PRKAA1: variants seen among roughly 807,000 people sequenced by gnomAD.
PRKAA1 encodes 5'-AMP-activated protein kinase catalytic subunit alpha-1.
Under a neutral mutation model 56.9 loss-of-function variants are expected in PRKAA1, and 23 were observed. The ratio of observed to expected loss-of-function variants is 0.40; its 90% CI spans 0.29 to 0.57. The LOEUF (loss-of-function observed/expected upper bound fraction) is 0.57, where lower values mean the gene tolerates loss of function less well. PRKAA1 is among the 20% of genes least tolerant of loss of function. PRKAA1 has a pLI of 0.39. For missense variants in PRKAA1, 413 were observed against 679.7 expected, an observed-to-expected ratio of 0.61 and a Z score of 4.36; for synonymous variants, 226 against 227.0, an observed-to-expected ratio of 1.00 and a Z score of 0.04.
intron 1 of PRKAA1, among the ~76,000 whole-genome samples, chr5:40,793,203 C>A (rs924494829): frequency 1.3e-5 from 2 of 152,144 alleles, no homozygotes; most frequent in African/African-American, 4.8e-5. Context: ...ACAAAGACTG[C>A]CATTTTAATG....
In PRKAA1 at chr5:40,767,452, A is replaced by T; in HGVS notation, c.821+14T>A. The T allele has an allele frequency of 6.3e-7, 1 of 1,592,848 alleles. No individual in the cohort carries two copies. Among genetic ancestry groups the T allele is most frequent in the Non-Finnish European group, 8.6e-7 (1 of 1,161,794 alleles). ...ATACTATCAGATCTGATAACTTCCA[A>T]ACTGCTTTATTACCTGATATCTTTG... is the stretch of plus-strand genomic sequence containing the variant. On this transcript the variant is annotated intron_variant, in intron 6 of 8. Transcript: ENST00000397128.
At chr5:40,775,572 A>G in intron 2 of PRKAA1, 69 bp from the exon 3 acceptor site, 1 of 1,255,994 alleles carries the variant, frequency 8.0e-7, no homozygotes, top group South Asian at 1.2e-5. Context: ...AATATTTACT[A>G]AGCACCTATA....
At chr5:40,785,489 C>G (rs563054819) in intron 1 of PRKAA1, among the ~76,000 whole-genome samples, 2 of 152,028 alleles carry the variant, frequency 1.3e-5, no homozygotes, top group East Asian at 1.9e-4. Context: ...ATCCGCCCCC[C>G]CTCGGCCTCC....
Position 40,798,182 on chromosome 5 carries a change from C to T in PRKAA1, c.8G>A (p.Arg3Lys), listed in dbSNP as rs1188565639. 2 of 1,426,188 alleles carry T rather than the reference C, an allele frequency of 1.4e-6. No homozygotes were observed. Among genetic ancestry groups the T allele is most frequent in the Admixed American group, 3.9e-5 (2 of 51,350 alleles). 88.3% of individuals were successfully genotyped at this position (1,426,188 alleles called of 1,614,324 possible). The change falls in exon 1 of 9, where the codon AGA becomes AAA. Residue 3 changes from arginine to lysine, a missense_variant. Around this residue, in one of 9 missense-constraint regions of PRKAA1, gnomAD observed 61 missense variants for 73.1 expected, o/e 0.83. Coordinates refer to ENST00000397128, the MANE Select transcript of PRKAA1 (RefSeq NM_006251.6). ...CGCCATCTTTCTCCAGGAACTGAGT[C>T]TGCGCATGGCGCTGCGGGAGGGGGC... MR[R>K]LSSWRKMATA...
intron 1 of PRKAA1, 62 bp downstream of exon 1, chr5:40,798,001 C>T (rs1401800818): frequency 2.5e-6 from 4 of 1,580,050 alleles, no homozygotes; most frequent in Non-Finnish European, 3.4e-6. Context: ...TGAAGAGGTG[C>T]GGAAAGCGGA....
rs1481642675 is a variant in PRKAA1, at chr5:40,762,850, A to G, written c.1608T>C (p.Thr536=). The change falls in exon 9 of 9, where the codon ACT becomes ACC. Residue 536 remains threonine, a synonymous_variant. Coordinates refer to ENST00000397128, the MANE Select transcript of PRKAA1 (RefSeq NM_006251.6). ...CTATTGTGTGACTTCCAGGTCTTGG[A>G]GTTAGGTCAACAGGAGAAGAGTCAA... ...TSLDSSPVDL[T]PRPGSHTIEF... 7.4e-6 allele frequency: 12 copies of G among 1,614,156 alleles called. No homozygotes were observed. Among genetic ancestry groups the G allele is most frequent in the Non-Finnish European group, 1.0e-5 (12 of 1,180,012 alleles).
intron 8 of PRKAA1, 182 bp downstream of exon 8, chr5:40,764,332 T>C (rs1269441064): frequency 1.7e-5 from 10 of 585,860 alleles, no homozygotes; most frequent in Non-Finnish European, 2.5e-5. Context: ...CAATATGCTA[T>C]AAGATTACAA....
intron 1 of PRKAA1, among the ~76,000 whole-genome samples, chr5:40,781,771 G>T (rs961340603): frequency 5.8e-4 from 88 of 152,224 alleles, no homozygotes; most frequent in African/African-American, 1.9e-3. Context: ...TTAAAAGTAC[G>T]ATATAACTAT....
At chr5:40,778,546 T>A (rs1744122191) in intron 1 of PRKAA1, among the ~76,000 whole-genome samples, 1 of 152,042 alleles carries the variant, frequency 6.6e-6, no homozygotes, top group African/African-American at 2.4e-5. Flanking sequence ...ACACACAGAC[T>A]AAAATTTTTC....
intron 1 of PRKAA1, among the ~76,000 whole-genome samples, chr5:40,788,218 A>AT (rs1377523946): frequency 6.6e-6 from 1 of 152,198 alleles, no homozygotes; most frequent in Non-Finnish European, 1.5e-5. Context: ...ATAAATGCAT[A>AT]TATCTATAAT....
At chr5:40,774,419 G>A (rs1199323987) in intron 3 of PRKAA1, among the ~76,000 whole-genome samples, 2 of 152,082 alleles carry the variant, frequency 1.3e-5, no homozygotes, top group Non-Finnish European at 2.9e-5. Flanking sequence ...AAATACGGGT[G>A]CTGAAATTTT....
intron 1 of PRKAA1, among the ~76,000 whole-genome samples, chr5:40,784,872 T>C (rs1229474066): frequency 1.3e-5 from 2 of 152,220 alleles, no homozygotes; most frequent in Admixed American, 6.5e-5. Context: ...CTTAAAGTTA[T>C]GCTTTTTCCG....
At chr5:40,766,456 T>C (rs1743439677) in intron 6 of PRKAA1, among the ~76,000 whole-genome samples, 1 of 152,168 alleles carries the variant, frequency 6.6e-6, no homozygotes, top group African/African-American at 2.4e-5. Context: ...CAGAAATGGC[T>C]CACTCTAATT....
intron 8 of PRKAA1, 75 bp downstream of exon 8, chr5:40,764,439 C>T: frequency 7.2e-7 from 1 of 1,397,672 alleles, no homozygotes; most frequent in Admixed American, 2.3e-5. Flanking sequence ...GTCAAGAAGC[C>T]TCAAAAGAAT....
intron 4 of PRKAA1, among the ~76,000 whole-genome samples, chr5:40,771,114 C>T (rs257009): frequency 0.69 from 104,520 of 152,050 alleles, 36,050 homozygotes; most frequent in East Asian, 0.8. Flanking sequence ...TTTGAACATA[C>T]TGGAAATAAA....
chr5:40,794,988 C>T (rs945664066), intron 1 of PRKAA1, among the ~76,000 whole-genome samples: 2 of 136,612 alleles, frequency 1.5e-5, no homozygotes, highest in African/African-American at 5.4e-5. Flanking sequence ...GATAAAGAAA[C>T]TGTGGTGTAT....
rs879302536 is a variant in PRKAA1, at chr5:40,764,526, G to A, written c.1423C>T (p.Arg475Cys). ...VDSRTYLLDF[R>C]SIDDEITEAK... ...GTGATGTACATACCATCAATACTAC[G>A]GAAATCCAGTAGATAAGTTCTACTA... Residue 475 changes from arginine to cysteine, a missense_variant, in exon 8 of 9, where the codon CGT (arginine) becomes TGT (cysteine). This residue lies in a region of PRKAA1 where 139 missense variants were observed against 171.5 expected (regional missense o/e 0.81). Coordinates refer to ENST00000397128, the MANE Select transcript of PRKAA1 (RefSeq NM_006251.6). The A allele has an allele frequency of 6.2e-7, 1 of 1,611,482 alleles. No homozygotes were observed. The highest frequency in any genetic ancestry group is 8.5e-7 in the Non-Finnish European group (1 of 1,178,964).
chr5:40,761,142 CAAAAT>C lies in PRKAA1; in HGVS notation c.*1631_*1635del, dbSNP rs756469301. On this transcript the variant is annotated 3_prime_UTR_variant, in exon 9 of 9. Transcript: ENST00000397128. Reference sequence around the variant, plus strand: ...AGAATTGATTTGTTCCATATTTTATCAAAATAATAATAATGTTATATCCAACTAAA... The same window carrying C: ...AGAATTGATTTGTTCCATATTTTATCAATAATAATGTTATATCCAACTAAA... 2 of 151,998 alleles carry C rather than the reference CAAAAT, an allele frequency of 1.3e-5. No homozygotes were observed. Among genetic ancestry groups the C allele is most frequent in the South Asian group, 2.1e-4 (1 of 4,832 alleles). 9.4% of individuals were successfully genotyped at this position (151,998 alleles called of 1,614,324 possible).
intron 1 of PRKAA1, among the ~76,000 whole-genome samples, chr5:40,795,909 C>T (rs1310203483): frequency 6.6e-6 from 1 of 152,176 alleles, no homozygotes; most frequent in Non-Finnish European, 1.5e-5. Context: ...GGTTAAGAAA[C>T]AGCAAAGTCA....
Sources: allele counts gnomAD v4.1 joint callset (sites outside exome capture counted in the v4.1 genomes callset), GRCh38; gene constraint gnomAD v4.1.1; regional missense constraint gnomAD v4.1.1; transcripts MANE v1.5; gene names NCBI Gene and HGNC (gene_info 2026-07-23, HGNC 2026-07-21).